Variants in DPP6 observed in about 807,000 individuals in gnomAD.
DPP6 encodes the protein dipeptidyl peptidase like 6, also known as A-type potassium channel modulatory protein DPP6.
DPP6 carries 69 observed loss-of-function variants against 122.6 expected under a neutral mutation model. The ratio of observed to expected loss-of-function variants is 0.56; its 90% confidence interval spans 0.46 to 0.69. DPP6 has a LOEUF of 0.69. Ranked by LOEUF, DPP6 falls within the 30% of genes least tolerant of loss-of-function variation. The probability of loss-of-function intolerance (pLI) is 0.00; values close to 1 mark genes in which losing one functional copy is unlikely to be tolerated. For missense variants in DPP6, 928 were observed against 1,116.9 expected (o/e 0.83, Z 2.41); for synonymous variants, 418 against 433.1 (o/e 0.97, Z 0.43).
chr7:154,769,171 G>A (rs1796086057), intron 8 of DPP6, among the ~76,000 whole-genome samples: 1 of 152,162 alleles, frequency 6.6e-6, no homozygotes, highest in Non-Finnish European at 1.5e-5. Flanking sequence ...ATTAGCATCT[G>A]TTTGATTGAG....
the DPP6 span, among the ~76,000 whole-genome samples, chr7:153,831,310 G>A: frequency 2.8e-3 from 428 of 152,270 alleles, 2 homozygotes; most frequent in Non-Finnish European, 3.9e-3. Flanking sequence ...GCAGCTCCAC[G>A]TTTTCTATGA....
At chr7:154,170,580 A>C (rs1797486080) in intron 1 of DPP6, among the ~76,000 whole-genome samples, 1 of 152,090 alleles carries the variant, frequency 6.6e-6, no homozygotes, top group Admixed American at 6.6e-5. Flanking sequence ...TATTTATTAC[A>C]ATTTATTATC....
At chr7:154,074,942 C>CA (rs1264063655) in intron 1 of DPP6, among the ~76,000 whole-genome samples, 1 of 150,476 alleles carries the variant, frequency 6.6e-6, no homozygotes, top group Non-Finnish European at 1.5e-5. Flanking sequence ...ACAAGGAACT[C>CA]AAACAAATCA....
intron 22 of DPP6, among the ~76,000 whole-genome samples, chr7:154,886,525 A>G (rs993253558): frequency 6.6e-6 from 1 of 152,128 alleles, no homozygotes. Context: ...ACCTGAACCC[A>G]TTTCTTAGAA....
In DPP6 at chr7:154,143,519, G is replaced by A. The variant is rs564283057; in HGVS notation, c.243+90456G>A. 3.3e-5 allele frequency among the ~76,000 whole-genome samples: 5 copies of A among 151,748 alleles called. No individual in the cohort carries two copies. In the South Asian group the frequency reaches 1.0e-3, roughly 32 times the overall value. On this transcript the variant is annotated intron_variant, in intron 1 of 25. Transcript: ENST00000377770. ...GTAAATTACAGGTAAACAAACAAAA[G>A]GGAAATACAAAAGTGACCTATACTC...
intron 1 of DPP6, among the ~76,000 whole-genome samples, chr7:154,393,588 A>T (rs554740487): frequency 6.6e-5 from 10 of 151,456 alleles, no homozygotes; most frequent in African/African-American, 2.4e-4. Flanking sequence ...AGACCCAGTA[A>T]CTTTGGGATT....
At chr7:154,533,423 A>G (rs1361576654) in intron 3 of DPP6, among the ~76,000 whole-genome samples, 1 of 152,242 alleles carries the variant, frequency 6.6e-6, no homozygotes, top group Non-Finnish European at 1.5e-5. Context: ...TTTCGGTTAA[A>G]GAACTTGCAT....
At chr7:154,836,510 T>C (rs1221485662) in intron 16 of DPP6, among the ~76,000 whole-genome samples, 1 of 152,238 alleles carries the variant, frequency 6.6e-6, no homozygotes, top group African/African-American at 2.4e-5. Flanking sequence ...GTTCGAATTA[T>C]ATTTCCACTT....
chr7:154,033,298 C>T (rs964435530), intron 1 of DPP6, among the ~76,000 whole-genome samples: 8 of 152,204 alleles, frequency 5.3e-5, no homozygotes, highest in Non-Finnish European at 7.3e-5. Context: ...AGAATGCACA[C>T]ATATCTGTGG....
chr7:154,067,907 GTT>G (rs142049299), intron 1 of DPP6, among the ~76,000 whole-genome samples: 1 of 142,456 alleles, frequency 7.0e-6, no homozygotes, highest in African/African-American at 2.9e-5. Context: ...GTTTTTTTTT[GTT>G]TTTTTTTTGT....
At chr7:153,992,689 G>A (rs1028569334) in intron 1 of DPP6, among the ~76,000 whole-genome samples, 17 of 152,218 alleles carry the variant, frequency 1.1e-4, no homozygotes, top group Non-Finnish European at 2.4e-4. Flanking sequence ...AGAATTGGCT[G>A]AAGTCCTTTA....
rs1424158682 is a variant in DPP6, at chr7:154,062,079, C to T, written c.243+9016C>T. On this transcript the variant is annotated intron_variant, in intron 1 of 25. Transcript: ENST00000377770. ...CCAGCCCCTGGTTCCCCCACTGGCT[C>T]TTAGGACCCCCATCGCAGAGGGGGG... 6.4e-5 allele frequency among the ~76,000 whole-genome samples: 7 copies of T among 109,678 alleles called. 1 individual carries two copies. The highest frequency in any genetic ancestry group is 7.6e-4 in the South Asian group (2 of 2,622). The allele number at this position is 109,678 out of a possible 152,430, so 72.0% of individuals were successfully genotyped here.
chr7:153,944,733 C>A (rs1801867141), intron 1 of DPP6, among the ~76,000 whole-genome samples: 2 of 135,142 alleles, frequency 1.5e-5, no homozygotes, highest in African/African-American at 5.6e-5. Flanking sequence ...CGTGTTCAAG[C>A]AATTCTCCCA....
At chr7:154,028,733 G>T (rs1563113743) in intron 1 of DPP6, among the ~76,000 whole-genome samples, 1 of 152,152 alleles carries the variant, frequency 6.6e-6, no homozygotes, top group East Asian at 1.9e-4. Flanking sequence ...CGCTCTGCCT[G>T]CTCCGATCTT....
chr7:154,574,544 GGTGT>G (rs1273927604), intron 5 of DPP6, among the ~76,000 whole-genome samples: 1 of 141,428 alleles, frequency 7.1e-6, no homozygotes, highest in Non-Finnish European at 1.5e-5. Flanking sequence ...TGTATGGTGT[GGTGT>G]GTGTGTGGTA....
intron 4 of DPP6, among the ~76,000 whole-genome samples, chr7:154,543,794 G>C (rs1201861246): frequency 6.6e-6 from 1 of 152,000 alleles, no homozygotes; most frequent in African/African-American, 2.4e-5. Context: ...AGGAGTTCGA[G>C]ACCAGCATGG....
rs1838401500 is a variant in DPP6 at position 154,669,352 on chromosome 7, A to G, written c.681-8A>G. The G allele has an allele frequency of 6.4e-7, 1 of 1,552,802 alleles. No individual in the cohort carries two copies. The highest frequency in any genetic ancestry group is 1.4e-5 in the African/African-American group (1 of 73,108). ...TGCTTTGTTTTTGTTTGTTTGTTCA[A>G]TTTTCAGGGATCCTCAAAGTCTGGA... On this transcript the variant is annotated splice_polypyrimidine_tract_variant and splice_region_variant and intron_variant, in intron 6 of 25. Coordinates refer to ENST00000377770, the MANE Select transcript of DPP6 (RefSeq NM_130797.4).
intron 1 of DPP6, among the ~76,000 whole-genome samples, chr7:154,370,936 A>T (rs1489539791): frequency 2.0e-5 from 3 of 152,206 alleles, no homozygotes; most frequent in African/African-American, 7.2e-5. Flanking sequence ...CACTCGAAGC[A>T]TGCAGAGGCT....
At chr7:153,982,896 C>T (rs1194132635) in intron 1 of DPP6, among the ~76,000 whole-genome samples, 1 of 152,212 alleles carries the variant, frequency 6.6e-6, no homozygotes, top group Non-Finnish European at 1.5e-5. Context: ...GCAAAGATTG[C>T]TGCCTGCTTC....
Sources: allele counts gnomAD v4.1 joint callset (sites outside exome capture counted in the v4.1 genomes callset), GRCh38; gene constraint gnomAD v4.1.1; transcripts MANE v1.5; gene names NCBI Gene and HGNC (gene_info 2026-07-23, HGNC 2026-07-21).